Variants in MEI4 observed in about 807,000 individuals in gnomAD.
The protein encoded by MEI4 is meiosis-specific protein MEI4.
A neutral mutation model predicts 31.4 loss-of-function variants in MEI4; 27 were observed. The ratio of observed to expected loss-of-function variants is 0.86; its 90% CI spans 0.63 to 1.19. The LOEUF (loss-of-function observed/expected upper bound fraction) is 1.19. MEI4 is among the 50% of genes most tolerant of loss of function. The pLI, the probability that MEI4 is intolerant of heterozygous loss-of-function variation, is 0.00. For missense variants in MEI4, 329 were observed against 398.9 expected, an observed-to-expected ratio of 0.82 and a Z score of 1.49; for synonymous variants, 122 against 145.4, an observed-to-expected ratio of 0.84 and a Z score of 1.16.
chr6:77,740,303 A>T (rs1005817265), intron 2 of MEI4, among the ~76,000 whole-genome samples: 5 of 152,060 alleles, frequency 3.3e-5, no homozygotes, highest in Non-Finnish European at 7.4e-5. Context: ...TGAGGTAGAG[A>T]GTTCTGTAGA....
At chr6:77,671,331 A>G (rs958922443) in intron 1 of MEI4, among the ~76,000 whole-genome samples, 3 of 152,052 alleles carry the variant, frequency 2.0e-5, no homozygotes, top group Admixed American at 2.0e-4. Context: ...AAGTGTTAGG[A>G]TTACAGGCAT....
chr6:77,806,730 G>T (rs1039430002), intron 3 of MEI4, among the ~76,000 whole-genome samples: 9 of 152,094 alleles, frequency 5.9e-5, no homozygotes, highest in Non-Finnish European at 1.3e-4. Flanking sequence ...AAAGGAATTT[G>T]GTTGTTACAG....
intron 1 of MEI4, among the ~76,000 whole-genome samples, chr6:77,665,428 G>A (rs1768610711): frequency 6.6e-6 from 1 of 152,082 alleles, no homozygotes; most frequent in Admixed American, 6.5e-5. Context: ...CAGGAAAGCG[G>A]GACTTGCCGC....
intron 1 of MEI4, among the ~76,000 whole-genome samples, chr6:77,654,674 G>A (rs761797915): frequency 4.0e-5 from 6 of 149,270 alleles, no homozygotes; most frequent in East Asian, 2.0e-4. Flanking sequence ...ATATTTTTTC[G>A]TTGATAATCA....
intron 4 of MEI4, among the ~76,000 whole-genome samples, chr6:77,851,275 C>G (rs1770612824): frequency 2.6e-5 from 4 of 152,074 alleles, no homozygotes; most frequent in African/African-American, 9.7e-5. Flanking sequence ...TCCAGCCATC[C>G]CATTACTGGG....
intron 3 of MEI4, among the ~76,000 whole-genome samples, chr6:77,800,187 G>C (rs907558940): frequency 1.2e-4 from 19 of 152,044 alleles, no homozygotes; most frequent in African/African-American, 4.3e-4. Flanking sequence ...GTGGTTTATA[G>C]TTCTCCTTGA....
intron 4 of MEI4, among the ~76,000 whole-genome samples, chr6:77,905,822 G>A (rs1169149716): frequency 1.3e-5 from 2 of 149,836 alleles, no homozygotes; most frequent in East Asian, 3.9e-4. Context: ...AATAATATAA[G>A]ATTTCTGTCC....
chr6:77,915,251 T>A (rs1766518393), intron 4 of MEI4, among the ~76,000 whole-genome samples: 1 of 152,124 alleles, frequency 6.6e-6, no homozygotes, highest in Non-Finnish European at 1.5e-5. Context: ...CTTTGTGTAT[T>A]TCCATAATGG....
chr6:77,685,506 C>T (rs1769038737), intron 1 of MEI4, among the ~76,000 whole-genome samples: 1 of 152,038 alleles, frequency 6.6e-6, no homozygotes, highest in African/African-American at 2.4e-5. Flanking sequence ...GTTGTTCCTT[C>T]AGTCTGTTGA....
intron 4 of MEI4, among the ~76,000 whole-genome samples, chr6:77,862,931 C>G (rs1163313333): frequency 1.3e-5 from 2 of 152,198 alleles, no homozygotes; most frequent in African/African-American, 4.8e-5. Flanking sequence ...ATCTGCTGTT[C>G]TGCAGCCTCC....
chr6:77,716,260 G>A (rs182768407), intron 2 of MEI4, among the ~76,000 whole-genome samples: 2 of 152,254 alleles, frequency 1.3e-5, no homozygotes, highest in Admixed American at 1.3e-4. Flanking sequence ...TTGAAGAGAA[G>A]CATTTAAATT....
intron 4 of MEI4, among the ~76,000 whole-genome samples, chr6:77,905,117 CTT>C (rs1370427572): frequency 2.0e-5 from 3 of 151,904 alleles, no homozygotes; most frequent in Non-Finnish European, 4.4e-5. Flanking sequence ...CTGGGGAAGT[CTT>C]TATCTCTTAT....
In MEI4 at chr6:77,761,892, G is replaced by T. The variant is rs192209452; in HGVS notation, c.768+227G>T. ...GATGCCTTTGCTTCAAACTTGTTCT[G>T]CTCTGCTTTGAATTACTTTCTCTGT... is the stretch of plus-strand genomic sequence containing the variant. On this transcript the variant is annotated intron_variant, in intron 3 of 4. Coordinates refer to ENST00000684080, the MANE Select transcript of MEI4 (RefSeq NM_001322247.2). 1.4e-3 allele frequency among the ~76,000 whole-genome samples: 213 copies of T among 152,206 alleles called. 1 individual carries two copies. The highest frequency in any genetic ancestry group is 4.5e-3 in the African/African-American group (187 of 41,542).
intron 4 of MEI4, among the ~76,000 whole-genome samples, chr6:77,846,939 T>G (rs914386720): frequency 2.6e-5 from 4 of 152,168 alleles, no homozygotes; most frequent in African/African-American, 7.2e-5. Flanking sequence ...CATTTCTCAA[T>G]GCAGCTCAGT....
intron 1 of MEI4, among the ~76,000 whole-genome samples, chr6:77,665,617 G>T (rs991181173): frequency 6.6e-6 from 1 of 152,214 alleles, no homozygotes; most frequent in South Asian, 2.1e-4. Flanking sequence ...CCTTTGAAAC[G>T]TGGGTGAATA....
At chr6:77,742,019 T>G (rs1178795996) in intron 2 of MEI4, among the ~76,000 whole-genome samples, 1 of 151,984 alleles carries the variant, frequency 6.6e-6, no homozygotes, top group East Asian at 1.9e-4. Flanking sequence ...CAGTCTATCA[T>G]TGTTGGACAT....
chr6:77,734,951 T>G (rs1056722813), intron 2 of MEI4, among the ~76,000 whole-genome samples: 4 of 152,014 alleles, frequency 2.6e-5, no homozygotes, highest in African/African-American at 9.7e-5. Context: ...TTAAGAATGT[T>G]GAATATTGGC....
intron 2 of MEI4, among the ~76,000 whole-genome samples, chr6:77,727,085 G>T (rs531161270): frequency 2.0e-4 from 30 of 152,220 alleles, no homozygotes; most frequent in Non-Finnish European, 2.9e-4. Context: ...ATTTCTCTTG[G>T]GGTGATACCT....
chr6:77,796,331 CTTCTA>C (rs1055922575), intron 3 of MEI4, among the ~76,000 whole-genome samples: 1 of 152,080 alleles, frequency 6.6e-6, no homozygotes, highest in Non-Finnish European at 1.5e-5. Context: ...ACTCAGAACA[CTTCTA>C]TTCAGCATAT....
Sources: gnomAD v4.1 joint callset for allele counts (sites outside exome capture counted in the v4.1 genomes callset) on GRCh38, gnomAD v4.1.1 for gene constraint, MANE v1.5 for transcripts, NCBI Gene and HGNC (gene_info 2026-07-23, HGNC 2026-07-21) for gene names.